The following GNB1L variants were observed in gnomAD, a reference collection of about 807,000 sequenced individuals.
GNB1L encodes the protein G protein subunit beta 1 like, also known as guanine nucleotide-binding protein subunit beta-like protein 1.
Under a neutral mutation model 29.1 loss-of-function variants are expected in GNB1L, and 20 were observed. That is an observed-to-expected ratio of 0.69 (90% CI 0.48 to 1.00). GNB1L has a LOEUF of 1.00. Among genes scored for constraint, GNB1L ranks in the 50% least tolerant of loss-of-function variants. GNB1L has a pLI of 0.00. For missense variants in GNB1L, 421 were observed against 464.9 expected (o/e 0.91, Z 0.87); for synonymous variants, 193 against 206.5 (o/e 0.93, Z 0.56).
intron 6 of GNB1L, among the ~76,000 whole-genome samples, chr22:19,803,397 C>T (rs890663709): frequency 1.3e-5 from 2 of 152,316 alleles, no homozygotes; most frequent in East Asian, 3.9e-4. Context: ...CAGGCCTCAT[C>T]CCAAGTCATG....
intron 7 of GNB1L, among the ~76,000 whole-genome samples, chr22:19,800,828 T>G (rs1569040149): frequency 1.3e-5 from 2 of 152,194 alleles, no homozygotes; most frequent in African/African-American, 4.8e-5. Context: ...TATCCTAGTC[T>G]CACCAGGGCA....
At chr22:19,854,603 A>G (rs1938192216) in intron 1 of GNB1L, 64 bp from the exon 2 acceptor site, 1 of 152,712 alleles carries the variant, frequency 6.5e-6, no homozygotes, top group Admixed American at 6.5e-5. Flanking sequence ...CGGCTTCCCG[A>G]GACTGCGAGA....
chr22:19,829,348 A>G (rs1474469531), intron 2 of GNB1L, among the ~76,000 whole-genome samples: 1 of 152,254 alleles, frequency 6.6e-6, no homozygotes, highest in Admixed American at 6.5e-5. Flanking sequence ...AGTTTCATAA[A>G]GAAGAAATAT....
chr22:19,791,906 T>C (rs1416937202), intron 7 of GNB1L, among the ~76,000 whole-genome samples: 1 of 151,614 alleles, frequency 6.6e-6, no homozygotes, highest in Non-Finnish European at 1.5e-5. Flanking sequence ...AGAGGCAGAG[T>C]TTGGAAGTTG....
chr22:19,805,054 G>T (rs1937417131), intron 6 of GNB1L, among the ~76,000 whole-genome samples: 1 of 152,190 alleles, frequency 6.6e-6, no homozygotes, highest in Non-Finnish European at 1.5e-5. Flanking sequence ...AGTGACCCAG[G>T]CTCTGCTGCA....
chr22:19,853,156 G>T (rs1938149313), intron 2 of GNB1L, among the ~76,000 whole-genome samples: 1 of 151,956 alleles, frequency 6.6e-6, no homozygotes, highest in South Asian at 2.1e-4. Context: ...CCACCTGCAG[G>T]CAATGCCACC....
Position 19,784,143 on chromosome 22 carries a change from A to T in GNB1L, c.*4566T>A, listed in dbSNP as rs1937169602. 1 of 152,212 alleles carries T rather than the reference A, an allele frequency of 6.6e-6. No homozygotes were observed. Among genetic ancestry groups the T allele is most frequent in the Admixed American group, 6.5e-5 (1 of 15,284 alleles). The allele number at this position is 152,212 out of a possible 1,614,324, so 9.4% of individuals were successfully genotyped here. A position where few individuals can be genotyped will look rare whatever the true frequency, so the allele number is the denominator to read the frequency against. On this transcript the variant is annotated 3_prime_UTR_variant, in exon 8 of 8. Coordinates refer to ENST00000329517, the MANE Select transcript of GNB1L (RefSeq NM_053004.3). ...CATGAAGTTCTAGCTAATTGAGTAT[A>T]AGCATTTCTAAAGAACCCCCGGAGG...
At chr22:19,792,678 C>A in intron 7 of GNB1L, 1 of 1,467,230 alleles carries the variant, frequency 6.8e-7, no homozygotes, top group African/African-American at 1.4e-5. Flanking sequence ...ACGGGACGTC[C>A]CCACCAAGAG....
chr22:19,851,462 G>C, intron 2 of GNB1L: 1 of 1,614,084 alleles, frequency 6.2e-7, no homozygotes, highest in Non-Finnish European at 8.5e-7. Context: ...GGGCTCCTTG[G>C]GCCCAGGGGT....
chr22:19,826,927 C>A (rs989321791), intron 2 of GNB1L, among the ~76,000 whole-genome samples: 10 of 152,158 alleles, frequency 6.6e-5, no homozygotes, highest in African/African-American at 2.4e-4. Flanking sequence ...TTGGACTCAT[C>A]AAAAAGGTCA....
At chr22:19,808,080 C>T (rs1937457043) in intron 5 of GNB1L, among the ~76,000 whole-genome samples, 1 of 152,184 alleles carries the variant, frequency 6.6e-6, no homozygotes, top group African/African-American at 2.4e-5. Context: ...AGGGCTTCTG[C>T]TCCACTCAGC....
In GNB1L at chr22:19,847,507, ACT is replaced by A. The variant is rs892609578; in HGVS notation, c.-21+6934_-21+6935del. The A allele has an allele frequency of 1.8e-5, 18 of 985,184 alleles. No individual in the cohort carries two copies. The African/African-American group carries it at 3.1e-4, about 17-fold the overall frequency. The allele number at this position is 985,184 out of a possible 1,614,324, so 61.0% of individuals were successfully genotyped here. A position where few individuals can be genotyped will look rare whatever the true frequency, so the allele number is the denominator to read the frequency against. ...CCTTCTAACCACCCCATGAGGAAAA[ACT>A]CTGGTCACAGCTCAAAAAGGTCAGG... On this transcript the variant is annotated intron_variant, in intron 2 of 7. Transcript: ENST00000329517.
chr22:19,848,607 A>C, intron 2 of GNB1L: 1 of 985,490 alleles, frequency 1.0e-6, no homozygotes, highest in African/African-American at 1.7e-5. Context: ...GCAGAGCCCA[A>C]CCACAATAAA....
At chr22:19,814,167 C>T (rs1241493918) in intron 4 of GNB1L, among the ~76,000 whole-genome samples, 4 of 152,144 alleles carry the variant, frequency 2.6e-5, no homozygotes, top group Admixed American at 2.6e-4. Context: ...AGGAATAAAC[C>T]TTCCTTCCAG....
At chr22:19,848,283 CCCG>C (rs1938013136) in intron 2 of GNB1L, 2 of 985,338 alleles carry the variant, frequency 2.0e-6, no homozygotes, top group African/African-American at 1.7e-5. Flanking sequence ...AGCACCATGG[CCCG>C]TCCCTGAGCA....
intron 2 of GNB1L, among the ~76,000 whole-genome samples, chr22:19,837,810 C>A (rs796478467): frequency 9.8e-5 from 15 of 152,332 alleles, no homozygotes; most frequent in African/African-American, 3.6e-4. Context: ...CTGATACATG[C>A]TTTAATGTGA....
At chr22:19,798,247 G>A (rs181470667) in intron 7 of GNB1L, among the ~76,000 whole-genome samples, 57 of 152,296 alleles carry the variant, frequency 3.7e-4, no homozygotes, top group Admixed American at 2.4e-3. Flanking sequence ...TGTGGGGTTC[G>A]CCGCCTGTGC....
chr22:19,788,082 G>GC lies in GNB1L; in HGVS notation c.*626dup, dbSNP rs1937207547. 6.2e-6 allele frequency: 1 copy of GC among 161,854 alleles called. No homozygotes were observed. The highest frequency in any genetic ancestry group is 1.4e-5 in the Non-Finnish European group (1 of 74,034). The allele number at this position is 161,854 out of a possible 1,614,324, so 10.0% of individuals were successfully genotyped here. A position where few individuals can be genotyped will look rare whatever the true frequency, so the allele number is the denominator to read the frequency against. Reference sequence around the variant, plus strand: ...TCCCACATCTGGCCTGGCCCTGTGCGCTGCAAGCCCCCCTTGCCGTCCCTC... The same window carrying GC: ...TCCCACATCTGGCCTGGCCCTGTGCGCCTGCAAGCCCCCCTTGCCGTCCCTC... On this transcript the variant is annotated 3_prime_UTR_variant, in exon 8 of 8. Transcript: ENST00000329517.
At chr22:19,793,748 T>C (rs547313520) in intron 7 of GNB1L, among the ~76,000 whole-genome samples, 1 of 152,314 alleles carries the variant, frequency 6.6e-6, no homozygotes, top group South Asian at 2.1e-4. Context: ...ACAACATCTT[T>C]ACAGGGCATG....
Sources: allele counts gnomAD v4.1 joint callset (sites outside exome capture counted in the v4.1 genomes callset), GRCh38; gene constraint gnomAD v4.1.1; transcripts MANE v1.5; gene names NCBI Gene and HGNC (gene_info 2026-07-23, HGNC 2026-07-21).